GRID2: variants seen among roughly 807,000 people sequenced by gnomAD.
The protein encoded by GRID2 is glutamate ionotropic receptor delta type subunit 2, also known as glutamate receptor ionotropic, delta-2.
A neutral mutation model predicts 114.8 loss-of-function variants in GRID2; 33 were observed. The observed-to-expected ratio is 0.29, with a 90% CI of 0.22 to 0.38. GRID2 has a LOEUF of 0.38. Ranked by LOEUF, GRID2 falls within the 10% of genes least tolerant of loss-of-function variation. The pLI, the probability that GRID2 is intolerant of heterozygous loss-of-function variation, is 1.00. For synonymous variants in GRID2, 505 were observed against 449.9 expected (o/e 1.12, Z -1.55); for missense variants, 1,184 against 1,257.7 (o/e 0.94, Z 0.89).
chr4:93,487,069 A>G (rs930639726), intron 11 of GRID2, among the ~76,000 whole-genome samples: 1 of 151,750 alleles, frequency 6.6e-6, no homozygotes, highest in African/African-American at 2.4e-5. Context: ...GAACTTGTCC[A>G]TATCATCTTA....
chr4:92,500,812 T>C (rs577534411), intron 1 of GRID2, among the ~76,000 whole-genome samples: 2 of 152,150 alleles, frequency 1.3e-5, no homozygotes, highest in Non-Finnish European at 2.9e-5. Context: ...CTAGAAGCTC[T>C]TCCGGGGCCA....
In GRID2 at chr4:93,772,521, GT is replaced by G; in HGVS notation, c.*26del. 1 of 1,521,170 alleles carries G rather than the reference GT, an allele frequency of 6.6e-7. No homozygotes were observed. The highest frequency in any genetic ancestry group is 8.9e-7 in the Non-Finnish European group (1 of 1,129,924). 94.2% of individuals were successfully genotyped at this position (1,521,170 alleles called of 1,614,324 possible). A position where few individuals can be genotyped will look rare whatever the true frequency, so the allele number is the denominator to read the frequency against. ...TGAGCATCAAACAAATCTCTTCACT[GT>G]TTCTTTTTTAGGACTCCCTTTGCAA... is the stretch of plus-strand genomic sequence containing the variant. On this transcript the variant is annotated 3_prime_UTR_variant, in exon 16 of 16. Transcript: ENST00000282020.
intron 2 of GRID2, among the ~76,000 whole-genome samples, chr4:92,952,311 T>C (rs1752096712): frequency 6.6e-6 from 1 of 152,246 alleles, no homozygotes; most frequent in Admixed American, 6.5e-5. Flanking sequence ...TACATATTTT[T>C]ATCATAATAT....
At chr4:93,278,640 A>G (rs1260445892) in intron 8 of GRID2, among the ~76,000 whole-genome samples, 2 of 152,024 alleles carry the variant, frequency 1.3e-5, no homozygotes, top group African/African-American at 4.8e-5. Context: ...AATACACAAA[A>G]AAGATTTTAA....
At chr4:93,264,217 T>G (rs1397592112) in intron 8 of GRID2, among the ~76,000 whole-genome samples, 1 of 152,144 alleles carries the variant, frequency 6.6e-6, no homozygotes, top group African/African-American at 2.4e-5. Flanking sequence ...CCACATACAA[T>G]ATTGAAAGCA....
At chr4:92,518,974 G>C (rs1253423846) in intron 1 of GRID2, among the ~76,000 whole-genome samples, 1 of 151,758 alleles carries the variant, frequency 6.6e-6, no homozygotes, top group Non-Finnish European at 1.5e-5. Context: ...GTTGATACTG[G>C]ATAATTTTCT....
At chr4:93,282,142 G>A (rs1297177970) in intron 8 of GRID2, among the ~76,000 whole-genome samples, 1 of 151,946 alleles carries the variant, frequency 6.6e-6, no homozygotes, top group Admixed American at 6.6e-5. Flanking sequence ...TGATTCTACT[G>A]TATAGAGTAG....
At chr4:93,314,770 CATAG>C (rs1560488350) in intron 8 of GRID2, among the ~76,000 whole-genome samples, 1 of 151,836 alleles carries the variant, frequency 6.6e-6, no homozygotes, top group Non-Finnish European at 1.5e-5. Flanking sequence ...CTACATCACA[CATAG>C]ATATATATTG....
intron 13 of GRID2, among the ~76,000 whole-genome samples, chr4:93,612,487 G>C (rs1741056145): frequency 8.0e-6 from 1 of 124,976 alleles, no homozygotes; most frequent in African/African-American, 3.1e-5. Flanking sequence ...TCCTTCAGGA[G>C]CTCTTTTAGG....
At chr4:92,992,848 CT>C (rs1226622874) in intron 2 of GRID2, among the ~76,000 whole-genome samples, 1 of 152,020 alleles carries the variant, frequency 6.6e-6, no homozygotes, top group Non-Finnish European at 1.5e-5. Flanking sequence ...TGCTGTCTGC[CT>C]TTTCTCCTCT....
At chr4:93,524,691 A>G (rs2149503349) in intron 13 of GRID2, among the ~76,000 whole-genome samples, 1 of 150,972 alleles carries the variant, frequency 6.6e-6, no homozygotes, top group South Asian at 2.1e-4. Context: ...CATAAGTTAC[A>G]ATGTGTCAAG....
At chr4:92,562,325 G>T (rs1727136913) in intron 1 of GRID2, among the ~76,000 whole-genome samples, 1 of 152,054 alleles carries the variant, frequency 6.6e-6, no homozygotes, top group Admixed American at 6.6e-5. Context: ...ATGGGCACAG[G>T]GTGACATTTA....
At chr4:93,059,462 G>A (rs561328443) in intron 2 of GRID2, among the ~76,000 whole-genome samples, 1 of 152,134 alleles carries the variant, frequency 6.6e-6, no homozygotes, top group Non-Finnish European at 1.5e-5. Flanking sequence ...CCAGTAACAT[G>A]CTTCTCAGTC....
intron 2 of GRID2, among the ~76,000 whole-genome samples, chr4:92,672,473 A>C (rs1428457098): frequency 6.6e-6 from 1 of 152,102 alleles, no homozygotes; most frequent in African/African-American, 2.4e-5. Context: ...CCAGTCTTTT[A>C]CTTTCAACTT....
intron 13 of GRID2, among the ~76,000 whole-genome samples, chr4:93,565,961 A>G (rs1735369655): frequency 6.6e-6 from 1 of 152,162 alleles, no homozygotes; most frequent in African/African-American, 2.4e-5. Flanking sequence ...TTAACCCAAC[A>G]AAGGTTTATT....
intron 2 of GRID2, among the ~76,000 whole-genome samples, chr4:92,743,010 C>G (rs1238451865): frequency 2.0e-5 from 3 of 152,162 alleles, no homozygotes; most frequent in African/African-American, 7.2e-5. Flanking sequence ...GGAGCAGTGG[C>G]TCATGCCTGT....
intron 1 of GRID2, among the ~76,000 whole-genome samples, chr4:92,339,647 T>C (rs888623183): frequency 6.6e-5 from 10 of 152,150 alleles, no homozygotes; most frequent in Non-Finnish European, 1.5e-4. Context: ...ACCCAGGCAA[T>C]GTAGAATCCT....
At chr4:92,405,490 T>C (rs981195319) in intron 1 of GRID2, among the ~76,000 whole-genome samples, 2 of 152,164 alleles carry the variant, frequency 1.3e-5, no homozygotes, top group Admixed American at 1.3e-4. Flanking sequence ...ATATAAATTA[T>C]AAAAGTGATT....
At chr4:92,423,815 A>G (rs1316742107) in intron 1 of GRID2, among the ~76,000 whole-genome samples, 2 of 152,122 alleles carry the variant, frequency 1.3e-5, no homozygotes, top group African/African-American at 4.8e-5. Context: ...ATTAAAAAGA[A>G]ATGATGATGA....
Sources: allele counts gnomAD v4.1 joint callset (sites outside exome capture counted in the v4.1 genomes callset), GRCh38; gene constraint gnomAD v4.1.1; transcripts MANE v1.5; gene names NCBI Gene and HGNC (gene_info 2026-07-23, HGNC 2026-07-21).